PANK1: variants seen among roughly 807,000 people sequenced by gnomAD.
The protein encoded by PANK1 is pantothenic acid kinase 1.
A neutral mutation model predicts 40.1 loss-of-function variants in PANK1; 18 were observed. The ratio of observed to expected loss-of-function variants is 0.45; its 90% CI spans 0.31 to 0.67. PANK1 has a LOEUF of 0.67. Among genes scored for constraint, PANK1 ranks in the 30% least tolerant of loss-of-function variants. PANK1 has a pLI of 0.06. For missense variants in PANK1, 457 were observed against 599.6 expected (o/e 0.76, Z 2.48); for synonymous variants, 242 against 237.7 (o/e 1.02, Z -0.17).
In PANK1 at chr10:89,616,354, T is replaced by C. The variant is rs192032032; in HGVS notation, c.293-4306A>G. 4.1e-3 allele frequency among the ~76,000 whole-genome samples: 631 copies of C among 152,338 alleles called. 7 individuals are homozygous for C. The highest frequency in any genetic ancestry group is 0.014 in the African/African-American group (574 of 41,572). On this transcript the variant is annotated intron_variant, in intron 1 of 6. Coordinates refer to ENST00000307534, the MANE Select transcript of PANK1 (RefSeq NM_148977.3). ...CACAAAAATGTTCACTGCAGTGATT[T>C]GTAATAATAAAAAATGGTAACAAAC...
At chr10:89,600,082 G>A (rs1352287467) in intron 2 of PANK1, among the ~76,000 whole-genome samples, 1 of 152,216 alleles carries the variant, frequency 6.6e-6, no homozygotes, top group African/African-American at 2.4e-5. Flanking sequence ...AGCCACTGAA[G>A]GAAGTACGGT....
chr10:89,602,661 T>C (rs1844823045), intron 2 of PANK1, among the ~76,000 whole-genome samples: 1 of 152,224 alleles, frequency 6.6e-6, no homozygotes, highest in South Asian at 2.1e-4. Context: ...TCTCGGGGCT[T>C]AGTTTCCTTT....
At chr10:89,607,376 T>C (rs1844999590) in intron 2 of PANK1, among the ~76,000 whole-genome samples, 1 of 152,242 alleles carries the variant, frequency 6.6e-6, no homozygotes, top group Admixed American at 6.5e-5. Flanking sequence ...ATGGGCATAA[T>C]GTGGTGGGTG....
rs759750104 is a variant in PANK1 at position 89,599,426 on chromosome 10, A to T, written c.725T>A (p.Phe242Tyr). ...QGLLYVDSVGFNGKPECYYFE... is the reference protein window; with the variant it reads ...QGLLYVDSVGYNGKPECYYFE... ...ATAGTAACATTCTGGCTTGCCGTTGAAGCCAACAGAGTCGACATAAAGCAG... is the reference window on the plus strand; with the variant it reads ...ATAGTAACATTCTGGCTTGCCGTTGTAGCCAACAGAGTCGACATAAAGCAG... Residue 242 changes from phenylalanine to tyrosine, a missense_variant, in exon 3 of 7, where the codon TTC becomes TAC. Phe to Tyr is a conservative substitution (Grantham distance 22). Transcript: ENST00000307534. 21 of 1,613,946 alleles carry T rather than the reference A, an allele frequency of 1.3e-5. No individual in the cohort carries two copies. The highest frequency in any genetic ancestry group is 1.8e-5 in the Non-Finnish European group (21 of 1,179,800).
chr10:89,641,829 T>C (rs1841980435), intron 1 of PANK1, among the ~76,000 whole-genome samples: 1 of 151,550 alleles, frequency 6.6e-6, no homozygotes, highest in African/African-American at 2.4e-5. Context: ...AAATGTTAAA[T>C]CAGTGGCACA....
intron 1 of PANK1, among the ~76,000 whole-genome samples, chr10:89,642,699 ATTAAG>A (rs746484528): frequency 2.6e-4 from 40 of 152,240 alleles, no homozygotes; most frequent in Non-Finnish European, 4.6e-4. Context: ...GCACAAAGAT[ATTAAG>A]TTAAGCCATT....
intron 1 of PANK1, among the ~76,000 whole-genome samples, chr10:89,617,577 T>G (rs868516640): frequency 3.9e-5 from 6 of 152,198 alleles, no homozygotes; most frequent in Admixed American, 6.5e-5. Flanking sequence ...ACAAATAGAA[T>G]GGCTACCACA....
chr10:89,625,161 A>G (rs151173160), intron 1 of PANK1, among the ~76,000 whole-genome samples: 1 of 152,336 alleles, frequency 6.6e-6, no homozygotes, highest in Non-Finnish European at 1.5e-5. Context: ...TCAGCCTCCC[A>G]AAGTGCTGGA....
At position 89,639,145 on chromosome 10, in the gene PANK1, T is replaced by G. The variant is rs1025760494; in HGVS notation, c.292+5455A>C. On this transcript the variant is annotated intron_variant, in intron 1 of 6. Transcript: ENST00000307534. ...AATAATGAACAGAAATTTATTTGGC[T>G]TACAGTTCTGGAGGCTGAGAAGTCC... The G allele has an allele frequency of 1.4e-5, 6 of 426,172 alleles. No homozygotes were observed. The Admixed American group carries it at 1.5e-4, about 10-fold the overall frequency. The allele number at this position is 426,172 out of a possible 1,614,324, so 26.4% of individuals were successfully genotyped here. A position where few individuals can be genotyped will look rare whatever the true frequency, so the allele number is the denominator to read the frequency against.
intron 3 of PANK1, 87 bp from the exon 4 acceptor site, chr10:89,594,076 G>T: frequency 3.3e-6 from 3 of 899,990 alleles, no homozygotes; most frequent in Non-Finnish European, 5.4e-6. Flanking sequence ...ATTAATATGG[G>T]TGAATAAAAG....
intron 1 of PANK1, among the ~76,000 whole-genome samples, chr10:89,614,914 T>G: frequency 6.6e-6 from 1 of 151,846 alleles, no homozygotes; most frequent in Non-Finnish European, 1.5e-5. Flanking sequence ...CCTATTTGGT[T>G]TAGGGAGAGG....
chr10:89,596,107 G>A (rs1159429316), intron 3 of PANK1, among the ~76,000 whole-genome samples: 1 of 151,780 alleles, frequency 6.6e-6, no homozygotes, highest in Non-Finnish European at 1.5e-5. Flanking sequence ...ATTTAATGCA[G>A]TATGTCATTC....
Position 89,595,868 on chromosome 10 carries a change from ATATAT to A in PANK1, c.900-1884_900-1880del, listed in dbSNP as rs1564620200. Among the ~76,000 whole-genome samples the A allele has an allele frequency of 3.2e-3, 392 of 120,626 alleles. 27 individuals are homozygous for A. The highest frequency in any genetic ancestry group is 0.011 in the African/African-American group (335 of 30,254). The allele number at this position is 120,626 out of a possible 152,430, so 79.1% of individuals were successfully genotyped here. On this transcript the variant is annotated intron_variant, in intron 3 of 6. Coordinates refer to ENST00000307534, the MANE Select transcript of PANK1 (RefSeq NM_148977.3). ...TATATATATATATATATATATATAT[ATATAT>A]AACTTCATTTACTAATATATATATG...
At position 89,645,236 on chromosome 10, in the gene PANK1, C is replaced by G. The variant is rs1842082629; in HGVS notation, c.-345G>C. 1 of 1,602,334 alleles carries G rather than the reference C, an allele frequency of 6.2e-7. No individual in the cohort carries two copies. Among genetic ancestry groups the G allele is most frequent in the African/African-American group, 1.4e-5 (1 of 73,530 alleles). ...ACTTCAAACGCGGCTTCCTCGCCTC[C>G]CAGACTGGTCCCCGCCACTGAGCAT... is the stretch of plus-strand genomic sequence containing the variant. On this transcript the variant is annotated 5_prime_UTR_variant, in exon 1 of 7. Coordinates refer to ENST00000307534, the MANE Select transcript of PANK1 (RefSeq NM_148977.3).
At chr10:89,600,589 T>G (rs576019629) in intron 2 of PANK1, among the ~76,000 whole-genome samples, 1 of 152,330 alleles carries the variant, frequency 6.6e-6, no homozygotes, top group African/African-American at 2.4e-5. Flanking sequence ...CTTTTATTAA[T>G]GTCTGGGGTG....
Position 89,644,928 on chromosome 10 carries a change from C to T in PANK1, c.-37G>A, listed in dbSNP as rs1315870242. 3 of 1,556,182 alleles carry T rather than the reference C, an allele frequency of 1.9e-6. No individual in the cohort carries two copies. The highest frequency in any genetic ancestry group is 2.6e-6 in the Non-Finnish European group (3 of 1,155,714). ...GCGGGGCTGTGCGCGGGCCCCGGCT[C>T]AGGCGGCCTCGCTGGAGGTCATTCT... On this transcript the variant is annotated 5_prime_UTR_variant, in exon 1 of 7. An upstream open reading frame in the 5' UTR loses its in-frame stop. Coordinates refer to ENST00000307534, the MANE Select transcript of PANK1 (RefSeq NM_148977.3).
chr10:89,633,531 A>AC (rs1564637284), intron 1 of PANK1, among the ~76,000 whole-genome samples: 2 of 122,878 alleles, frequency 1.6e-5, no homozygotes, highest in Non-Finnish European at 3.7e-5. Context: ...ACAGCCCTTT[A>AC]ATTTTTTTTT....
intron 6 of PANK1, among the ~76,000 whole-genome samples, chr10:89,585,991 C>G (rs1844185474): frequency 6.6e-6 from 1 of 152,182 alleles, no homozygotes; most frequent in South Asian, 2.1e-4. Context: ...CAAACCAAAG[C>G]CAGAGTCCAC....
downstream of PANK1, chr10:89,579,686 G>A (rs1049886887): frequency 6.6e-6 from 1 of 152,110 alleles, no homozygotes; most frequent in Non-Finnish European, 1.5e-5. Flanking sequence ...TGCATTTTAT[G>A]ATCATCTGAC....
Sources: gnomAD v4.1 joint callset for allele counts (sites outside exome capture counted in the v4.1 genomes callset) on GRCh38, gnomAD v4.1.1 for gene constraint, MANE v1.5 for transcripts, NCBI Gene and HGNC (gene_info 2026-07-23, HGNC 2026-07-21) for gene names.